BEND6: variants seen among roughly 807,000 people sequenced by gnomAD.
The protein encoded by BEND6 is BEN domain containing 6.
Under a neutral mutation model 31.8 loss-of-function variants are expected in BEND6, and 24 were observed. The ratio of observed to expected loss-of-function variants is 0.75; its 90% CI spans 0.55 to 1.06. BEND6 has a LOEUF of 1.06. Ranked by LOEUF, BEND6 falls within the 50% of genes least tolerant of loss-of-function variation. The pLI is 0.00. For synonymous variants in BEND6, 109 were observed against 114.6 expected (o/e 0.95, Z 0.31); for missense variants, 294 against 327.4 (o/e 0.90, Z 0.79).
chr6:57,013,337 C>T (rs532214414), intron 3 of BEND6, among the ~76,000 whole-genome samples: 4 of 152,168 alleles, frequency 2.6e-5, no homozygotes, highest in Non-Finnish European at 5.9e-5. Flanking sequence ...TTTCCACATA[C>T]GTGAGGCTTT....
At chr6:57,020,531 C>T (rs1289748728) in intron 6 of BEND6, among the ~76,000 whole-genome samples, 1 of 152,120 alleles carries the variant, frequency 6.6e-6, no homozygotes, top group East Asian at 1.9e-4. Flanking sequence ...AGCAATCCTC[C>T]CGCCTCAGCC....
chr6:57,018,496 G>T lies in BEND6; in HGVS notation c.788G>T (p.Cys263Phe). The part of the protein sequence containing the change: ...RRMIGQKLNN[C>F]TKKPNLSKNL... ...ATGATAGGGCAAAAGCTAAACAACT[G>T]TACCAAGAAGCCAAATTTAAGCAAA... Residue 263 changes from cysteine (C) to phenylalanine (F), a missense_variant, in exon 6 of 7, where the codon TGT becomes TTT. Transcript: ENST00000370746. 6.3e-7 allele frequency: 1 copy of T among 1,584,024 alleles called. No individual in the cohort carries two copies. The highest frequency in any genetic ancestry group is 8.6e-7 in the Non-Finnish European group (1 of 1,169,518).
At chr6:57,017,696 A>C (rs9296859) in intron 5 of BEND6, among the ~76,000 whole-genome samples, 106,966 of 152,036 alleles carry the variant, frequency 0.7, 39,153 homozygotes, top group South Asian at 0.9. Context: ...TTCAATAACA[A>C]TTTCTTCCTT....
chr6:56,969,493 T>A (rs900505098), intron 1 of BEND6, among the ~76,000 whole-genome samples: 2 of 152,246 alleles, frequency 1.3e-5, no homozygotes, highest in Non-Finnish European at 2.9e-5. Context: ...GTTCATATTC[T>A]GACCTGAGTA....
At chr6:56,992,279 C>T (rs1166593837) in intron 2 of BEND6, 99 bp from the exon 3 acceptor site, 20 of 1,332,420 alleles carry the variant, frequency 1.5e-5, no homozygotes. Context: ...CCTGTGAGAA[C>T]AAGAAATTTG....
chr6:56,967,539 A>G (rs1825527157), intron 1 of BEND6, among the ~76,000 whole-genome samples: 1 of 152,180 alleles, frequency 6.6e-6, no homozygotes, highest in African/African-American at 2.4e-5. Context: ...TCGGGAGCCC[A>G]AACAGGTCAA....
Position 56,964,219 on chromosome 6 carries a change from A to G in BEND6, c.-101+8759A>G, listed in dbSNP as rs189440237. ...GGCTTTAAAGCCTATGATTGTAAGT[A>G]CTTATGTGACCTGCTTTGTAAGGGT... On this transcript the variant is annotated intron_variant, in intron 1 of 6. Transcript: ENST00000370746. 2.7e-3 allele frequency among the ~76,000 whole-genome samples: 414 copies of G among 152,130 alleles called. 1 individual carries two copies. Among genetic ancestry groups the G allele is most frequent in the Middle Eastern group, 3.4e-3 (1 of 292 alleles).
chr6:57,009,897 G>A (rs1195408653), intron 3 of BEND6: 1 of 152,136 alleles, frequency 6.6e-6, no homozygotes, highest in Admixed American at 6.5e-5. Context: ...AAAATCAAGC[G>A]TGTATCCTGC....
At chr6:56,969,364 A>C (rs991105155) in intron 1 of BEND6, among the ~76,000 whole-genome samples, 5 of 152,342 alleles carry the variant, frequency 3.3e-5, no homozygotes, top group African/African-American at 1.2e-4. Flanking sequence ...CTTGCTATGC[A>C]GCTGGACTAA....
chr6:57,017,206 G>T lies in BEND6; in HGVS notation c.520-1G>T. 6.4e-7 allele frequency: 1 copy of T among 1,571,492 alleles called. No individual in the cohort carries two copies. The highest frequency in any genetic ancestry group is 8.6e-7 in the Non-Finnish European group (1 of 1,160,640). ...ACTTCAACTCTTTCTTATCTTTTTA[G>T]TTCCAGATTGAAAAATGGCAGATTG... On this transcript the variant is annotated splice_acceptor_variant, in intron 4 of 6. Transcript: ENST00000370746. LOFTEE classifies it high-confidence loss of function.
At chr6:56,957,303 A>G (rs1394465894) in intron 1 of BEND6, among the ~76,000 whole-genome samples, 2 of 152,184 alleles carry the variant, frequency 1.3e-5, no homozygotes, top group African/African-American at 4.8e-5. Context: ...AGATGCATTC[A>G]TTTCTGTTCT....
chr6:56,986,186 A>G (rs1237544918), intron 2 of BEND6, among the ~76,000 whole-genome samples: 2 of 152,186 alleles, frequency 1.3e-5, no homozygotes, highest in East Asian at 3.8e-4. Context: ...AGTAATTTTC[A>G]TCACTAGAAG....
intron 3 of BEND6, among the ~76,000 whole-genome samples, chr6:56,993,968 G>A (rs1826605500): frequency 6.6e-6 from 1 of 152,064 alleles, no homozygotes; most frequent in African/African-American, 2.4e-5. Flanking sequence ...CCAAAGTGCT[G>A]GGATTACAGG....
At chr6:57,007,011 C>T (rs1204422309) in intron 3 of BEND6, among the ~76,000 whole-genome samples, 1 of 152,144 alleles carries the variant, frequency 6.6e-6, no homozygotes, top group Non-Finnish European at 1.5e-5. Flanking sequence ...GTGCTGGAGC[C>T]AGGCACGGTG....
chr6:57,008,150 A>C (rs535084089), intron 3 of BEND6: 1 of 702,812 alleles, frequency 1.4e-6, no homozygotes, highest in East Asian at 2.7e-5. Context: ...GTGGTACCGG[A>C]GTGATTATTT....
At chr6:56,998,904 A>G (rs1826825774) in intron 3 of BEND6, among the ~76,000 whole-genome samples, 1 of 152,244 alleles carries the variant, frequency 6.6e-6, no homozygotes, top group African/African-American at 2.4e-5. Context: ...ACATGGGGTT[A>G]ATATCCAGAA....
intron 5 of BEND6, 58 bp from the exon 6 acceptor site, chr6:57,018,362 TA>T (rs1158638448): frequency 5.2e-6 from 8 of 1,527,186 alleles, no homozygotes. Context: ...CCTCAGTTCA[TA>T]CCCTAAGATG....
chr6:56,977,808 T>A (rs1296275027), intron 1 of BEND6, among the ~76,000 whole-genome samples: 1 of 151,940 alleles, frequency 6.6e-6, no homozygotes, highest in African/African-American at 2.4e-5. Flanking sequence ...AATAAAAAAA[T>A]TAGCTGGGCA....
chr6:56,963,817 C>T (rs1478224999), intron 1 of BEND6, among the ~76,000 whole-genome samples: 1 of 144,576 alleles, frequency 6.9e-6, no homozygotes, highest in Non-Finnish European at 1.5e-5. Flanking sequence ...TAATTTATTA[C>T]TATTAATAAA....
Sources: gnomAD v4.1 joint callset for allele counts (sites outside exome capture counted in the v4.1 genomes callset) on GRCh38, gnomAD v4.1.1 for gene constraint, MANE v1.5 for transcripts, NCBI Gene and HGNC (gene_info 2026-07-23, HGNC 2026-07-21) for gene names.